The following SBNO1 variants were observed in gnomAD, a reference collection of about 807,000 sequenced individuals.
SBNO1 encodes the protein protein strawberry notch homolog 1.
A neutral mutation model predicts 173.6 loss-of-function variants in SBNO1; 23 were observed. The observed-to-expected ratio is 0.13, with a 90% CI of 0.10 to 0.19. The LOEUF (loss-of-function observed/expected upper bound fraction) is 0.19. SBNO1 is among the 10% of genes least tolerant of loss of function. SBNO1 has a pLI of 1.00. For missense variants in SBNO1, 1,238 were observed against 1,671.2 expected (o/e 0.74, Z 4.52); for synonymous variants, 632 against 571.5 (o/e 1.11, Z -1.51).
At chr12:123,299,330 T>C (rs1211318873) in intron 30 of SBNO1, among the ~76,000 whole-genome samples, 1 of 149,614 alleles carries the variant, frequency 6.7e-6, no homozygotes, top group Non-Finnish European at 1.5e-5. Flanking sequence ...ATCGTGCCAC[T>C]GCACTCCAGC....
At chr12:123,309,963 TA>T in intron 25 of SBNO1, 107 bp from the exon 26 acceptor site, 1 of 845,626 alleles carries the variant, frequency 1.2e-6, no homozygotes, top group Non-Finnish European at 1.9e-6. Context: ...TCTTCCTTCT[TA>T]ACTCTTACAC....
chr12:123,358,742 C>CAAAAAAAAAAAAAAA (rs1164585887), intron 1 of SBNO1, among the ~76,000 whole-genome samples: 1 of 78,400 alleles, frequency 1.3e-5, no homozygotes, highest in African/African-American at 5.5e-5. Flanking sequence ...GACTCCGTCT[C>CAAAAAAAAAAAAAAA]AAAAAAAAAA....
chr12:123,331,460 T>TACGTTG (rs2139004043), intron 7 of SBNO1, 85 bp from the exon 8 acceptor site: 1 of 1,136,758 alleles, frequency 8.8e-7, no homozygotes, highest in East Asian at 2.4e-5. Flanking sequence ...GGAGTAGGAA[T>TACGTTG]ATGTTATGTT....
At chr12:123,316,146 CA>C (rs1239014366) in intron 21 of SBNO1, among the ~76,000 whole-genome samples, 3 of 151,826 alleles carry the variant, frequency 2.0e-5, no homozygotes, top group Admixed American at 2.0e-4. Flanking sequence ...ATCCACAATG[CA>C]TCATATACTA....
chr12:123,295,764 G>T lies in SBNO1; in HGVS notation c.*144C>A. The stretch of plus-strand genomic sequence containing the variant: ...ATTTTCAGTTTTGCTATCTATTCCA[G>T]GTTTGTCCTTACTCCCAAAAAAACT... On this transcript the variant is annotated 3_prime_UTR_variant, in exon 32 of 32. Transcript: ENST00000602398. The T allele has an allele frequency of 1.0e-6, 1 of 1,003,030 alleles. No homozygotes were observed. The highest frequency in any genetic ancestry group is 1.5e-6 in the Non-Finnish European group (1 of 673,584). 62.1% of individuals were successfully genotyped at this position (1,003,030 alleles called of 1,614,324 possible).
At chr12:123,301,200 G>GT (rs2048781060) in intron 30 of SBNO1, among the ~76,000 whole-genome samples, 2 of 151,976 alleles carry the variant, frequency 1.3e-5, no homozygotes. Flanking sequence ...TAGAGACGTG[G>GT]TTTCACCATG....
chr12:123,358,742 C>CA (rs1164585887), intron 1 of SBNO1, among the ~76,000 whole-genome samples: 86 of 78,398 alleles, frequency 1.1e-3, no homozygotes, highest in East Asian at 6.2e-3. Flanking sequence ...GACTCCGTCT[C>CA]AAAAAAAAAA....
intron 30 of SBNO1, among the ~76,000 whole-genome samples, chr12:123,302,371 T>C (rs1355631254): frequency 6.6e-6 from 1 of 151,924 alleles, no homozygotes; most frequent in Non-Finnish European, 1.5e-5. Flanking sequence ...GCCTCCCAAG[T>C]AGCTGGGATT....
Position 123,302,825 on chromosome 12 carries a change from A to G in SBNO1, c.3844T>C (p.Trp1282Arg), listed in dbSNP as rs1461289961. Residue 1282 changes from tryptophan (W) to arginine (R), a missense_variant and splice_region_variant, in exon 30 of 32, where the codon TGG becomes CGG. By Grantham distance (101) the Trp-to-Arg change is moderately radical (BLOSUM62 -3). Transcript: ENST00000602398. ...SSADTCTHAY[W>R]RGNCKKASLG... ...GGTAGGAAACACGAAAATACTAACCAATAAGCATGAGTACAAGTATCTGCA... is the reference window on the plus strand; with the variant it reads ...GGTAGGAAACACGAAAATACTAACCGATAAGCATGAGTACAAGTATCTGCA... 6.2e-7 allele frequency: 1 copy of G among 1,611,446 alleles called. No individual in the cohort carries two copies. The highest frequency in any genetic ancestry group is 1.3e-5 in the African/African-American group (1 of 74,874).
chr12:123,331,905 T>G (rs1364397890), intron 7 of SBNO1, among the ~76,000 whole-genome samples: 4 of 152,182 alleles, frequency 2.6e-5, no homozygotes, highest in Non-Finnish European at 4.4e-5. Flanking sequence ...CAGGCTGAAG[T>G]GCAGTGGCAC....
chr12:123,338,961 A>G (rs749696576), intron 5 of SBNO1, among the ~76,000 whole-genome samples: 104 of 134,978 alleles, frequency 7.7e-4, no homozygotes, highest in Non-Finnish European at 1.3e-3. Flanking sequence ...ATCAGTTTGC[A>G]GTCTCTCTGA....
intron 1 of SBNO1, among the ~76,000 whole-genome samples, chr12:123,356,204 C>G (rs1477815925): frequency 3.9e-5 from 6 of 152,138 alleles, no homozygotes. Context: ...ACTCAGTTTC[C>G]TCATCTTAAA....
At chr12:123,334,310 G>T in intron 6 of SBNO1, 97 bp from the exon 7 acceptor site, 1 of 768,608 alleles carries the variant, frequency 1.3e-6, no homozygotes, top group Non-Finnish European at 2.0e-6. Flanking sequence ...TTATAACATA[G>T]AAAAATAATT....
intron 1 of SBNO1, among the ~76,000 whole-genome samples, chr12:123,354,344 C>T (rs1309200386): frequency 6.6e-6 from 1 of 152,040 alleles, no homozygotes; most frequent in African/African-American, 2.4e-5. Flanking sequence ...GGAATAACAA[C>T]GTCTGTAAAA....
intron 20 of SBNO1, 66 bp downstream of exon 20, chr12:123,319,834 T>C: frequency 6.9e-7 from 1 of 1,450,480 alleles, no homozygotes; most frequent in Non-Finnish European, 9.5e-7. Context: ...AAAAGACTCT[T>C]CTAAAGCTTA....
chr12:123,315,266 A>T (rs1869138105), intron 23 of SBNO1, 107 bp downstream of exon 23: 1 of 791,096 alleles, frequency 1.3e-6, no homozygotes, highest in Admixed American at 2.2e-5. Context: ...AAGCAAATGC[A>T]TAGGAGAGGC....
chr12:123,345,568 C>A lies in SBNO1; in HGVS notation c.240G>T (p.Gln80His). 6.2e-7 allele frequency: 1 copy of A among 1,610,914 alleles called. No homozygotes were observed. Among genetic ancestry groups the A allele is most frequent in the Non-Finnish European group, 8.5e-7 (1 of 1,177,660 alleles). Residue 80 changes from glutamine (Q) to histidine (H), a missense_variant and splice_region_variant, in exon 4 of 32, where the codon CAG becomes CAT. By Grantham distance (24) the Gln-to-His change is conservative (BLOSUM62 0). Coordinates refer to ENST00000602398, the MANE Select transcript of SBNO1 (RefSeq NM_001167856.3). ...CAAATGTTGTAGTAGATGGAGGCTG[C>A]TGCTAGATAGAAAACAAAAAACACA... The part of the protein sequence containing the change: ...VPTPALLNVR[Q>H]QPPSTTTFVL...
At chr12:123,348,257 A>C (rs1317115829) in intron 2 of SBNO1, 124 bp from the exon 3 acceptor site, 1 of 541,426 alleles carries the variant, frequency 1.8e-6, no homozygotes, top group African/African-American at 1.9e-5. Context: ...AATCACTAAC[A>C]GCAGATTTAT....
chr12:123,327,577 C>T lies in SBNO1; in HGVS notation c.1541G>A (p.Gly514Glu). ...AGCAACTATTTCCATGGCACCAACT[C>T]CTCTGAATAAAATTAAAACATACAG... The part of the protein sequence containing the change: ...SDFIQAVERR[G>E]VGAMEIVAMD... Residue 514 changes from glycine (G) to glutamate (E), a missense_variant and splice_region_variant, in exon 13 of 32, where the codon GGA (glycine) becomes GAA (glutamate). By Grantham distance (98) the Gly-to-Glu change is moderately conservative. Transcript: ENST00000602398. The T allele has an allele frequency of 6.2e-7, 1 of 1,612,972 alleles. No individual in the cohort carries two copies. Among genetic ancestry groups the T allele is most frequent in the Non-Finnish European group, 8.5e-7 (1 of 1,179,420 alleles).
Sources: gnomAD v4.1 joint callset for allele counts (sites outside exome capture counted in the v4.1 genomes callset) on GRCh38, gnomAD v4.1.1 for gene constraint, MANE v1.5 for transcripts, NCBI Gene and HGNC (gene_info 2026-07-23, HGNC 2026-07-21) for gene names.